The following XPO7 variants were observed in gnomAD, a reference collection of about 807,000 sequenced individuals.
The protein encoded by XPO7 is exportin-7.
In XPO7, 21 loss-of-function variants were observed where a neutral mutation model predicts 144.3. The ratio of observed to expected loss-of-function variants is 0.15; its 90% CI spans 0.10 to 0.21. XPO7 has a LOEUF of 0.21. XPO7 is among the 10% of genes least tolerant of loss of function. The pLI is 1.00. For synonymous variants in XPO7, 580 were observed against 499.6 expected (o/e 1.16, Z -2.15); for missense variants, 808 against 1,325.8 (o/e 0.61, Z 6.06).
intron 5 of XPO7, 63 bp downstream of exon 5, chr8:21,972,004 C>T: frequency 1.3e-6 from 2 of 1,507,622 alleles, no homozygotes; most frequent in South Asian, 1.1e-5. Flanking sequence ...TTGGTGTTTT[C>T]TGCTGTGTGT....
At chr8:21,925,399 A>T (rs1810427469) in intron 1 of XPO7, among the ~76,000 whole-genome samples, 1 of 152,240 alleles carries the variant, frequency 6.6e-6, no homozygotes, top group East Asian at 1.9e-4. Context: ...AATTGATATC[A>T]TTTAATGCTC....
At chr8:21,957,645 A>G (rs1465409838) in intron 1 of XPO7, among the ~76,000 whole-genome samples, 1 of 152,168 alleles carries the variant, frequency 6.6e-6, no homozygotes, top group Non-Finnish European at 1.5e-5. Flanking sequence ...ATATGTGATC[A>G]ATCTGCCATT....
intron 1 of XPO7, among the ~76,000 whole-genome samples, chr8:21,962,210 G>A (rs536305661): frequency 8.5e-5 from 13 of 152,266 alleles, no homozygotes; most frequent in African/African-American, 3.1e-4. Flanking sequence ...ATTGTAGTAA[G>A]TAACTTTTGA....
At chr8:21,976,073 C>T (rs1429252028) in intron 6 of XPO7, among the ~76,000 whole-genome samples, 2 of 152,140 alleles carry the variant, frequency 1.3e-5, no homozygotes, top group Non-Finnish European at 2.9e-5. Flanking sequence ...TCTCTGTGAC[C>T]ATTATGTCTA....
At chr8:21,946,627 T>A (rs1811202233) in intron 1 of XPO7, among the ~76,000 whole-genome samples, 3 of 143,978 alleles carry the variant, frequency 2.1e-5, no homozygotes, top group African/African-American at 2.5e-5. Flanking sequence ...AAGTTCCACA[T>A]ATGCAAAACA....
rs1167946331 is a variant in XPO7 at position 21,995,520 on chromosome 8, C to A, written c.2266C>A (p.Arg756=). 1 of 1,609,716 alleles carries A rather than the reference C, an allele frequency of 6.2e-7. No individual in the cohort carries two copies. Among genetic ancestry groups the A allele is most frequent in the Middle Eastern group, 1.7e-4 (1 of 6,056 alleles). Residue 756 remains arginine (R), a synonymous_variant, in exon 21 of 28, where the codon CGG becomes AGG. Transcript: ENST00000252512. ...TCCATCCTATATGCCAATTCTCCAA[C>A]GGGCAATTGAGCTCTGGTACCATGA... ...IYPSYMPILQ[R]AIELWYHDPA...
chr8:21,987,109 T>A, intron 13 of XPO7, 32 bp from the exon 14 acceptor site: 1 of 1,612,856 alleles, frequency 6.2e-7, no homozygotes, highest in East Asian at 2.2e-5. Flanking sequence ...GATGTCCTGC[T>A]GTTGAGAGAA....
chr8:21,971,923 A>G lies in XPO7; in HGVS notation c.474A>G (p.Leu158=), dbSNP rs1812074809. 6.2e-7 allele frequency: 1 copy of G among 1,613,638 alleles called. No individual in the cohort carries two copies. Among genetic ancestry groups the G allele is most frequent in the East Asian group, 2.2e-5 (1 of 44,866 alleles). Reference sequence around the variant, plus strand: ...TTGGTGTCACAATTTTATCTCAGCTAACCAATGAAATTAATCAAGTAAGTG... The same window carrying G: ...TTGGTGTCACAATTTTATCTCAGCTGACCAATGAAATTAATCAAGTAAGTG... ...CIIGVTILSQ[L]TNEINQADTT... The change falls in exon 5 of 28, where the codon CTA becomes CTG. Residue 158 remains leucine, a synonymous_variant. Coordinates refer to ENST00000252512, the MANE Select transcript of XPO7 (RefSeq NM_015024.5).
intron 21 of XPO7, 63 bp from the exon 22 acceptor site, chr8:21,998,692 C>G (rs1813035314): frequency 7.0e-7 from 1 of 1,435,620 alleles, no homozygotes; most frequent in Admixed American, 1.7e-5. Flanking sequence ...ATGAGAGCCT[C>G]AAGTACCCCA....
chr8:21,965,980 C>CTACTT (rs67432845), intron 1 of XPO7, among the ~76,000 whole-genome samples: 3 of 151,616 alleles, frequency 2.0e-5, no homozygotes, highest in East Asian at 3.9e-4. Flanking sequence ...TGTTTACTCT[C>CTACTT]CAGTCAGTGA....
intron 8 of XPO7, among the ~76,000 whole-genome samples, chr8:21,979,410 GTTTT>G (rs1202192057): frequency 3.9e-5 from 5 of 128,978 alleles, no homozygotes; most frequent in Admixed American, 3.3e-4. Context: ...TTTTTTTTTC[GTTTT>G]TTTTTGTTTT....
chr8:21,942,609 A>G (rs1313689757), intron 1 of XPO7, among the ~76,000 whole-genome samples: 3 of 152,226 alleles, frequency 2.0e-5, no homozygotes, highest in African/African-American at 7.2e-5. Context: ...TTGAAAGGGG[A>G]GGAGTATTTC....
In XPO7 at chr8:21,929,643, A is replaced by C. The variant is rs544833942; in HGVS notation, c.18+9855A>C. 1.4e-3 allele frequency among the ~76,000 whole-genome samples: 209 copies of C among 152,350 alleles called. 4 individuals carry two copies. The highest frequency in any genetic ancestry group is 2.7e-3 in the South Asian group (13 of 4,832). On this transcript the variant is annotated intron_variant, in intron 1 of 27. Transcript: ENST00000252512. ...TTCACTAGCAATCGTAGTTCTCTTCAGCTTCTAATTTTAAAGTATTATTTA... is the reference window on the plus strand; with the variant it reads ...TTCACTAGCAATCGTAGTTCTCTTCCGCTTCTAATTTTAAAGTATTATTTA...
chr8:21,956,607 C>G (rs528163327), intron 1 of XPO7, among the ~76,000 whole-genome samples: 2 of 151,552 alleles, frequency 1.3e-5, no homozygotes, highest in Admixed American at 6.6e-5. Flanking sequence ...TGCTCTTTCC[C>G]TCTTGGTCCT....
chr8:21,968,504 C>T (rs542879504), intron 2 of XPO7, among the ~76,000 whole-genome samples: 4 of 152,298 alleles, frequency 2.6e-5, no homozygotes, highest in African/African-American at 9.6e-5. Context: ...TCTTAAATCA[C>T]TTGGTGTTTG....
intron 14 of XPO7, 25 bp downstream of exon 14, chr8:21,987,301 C>A (rs775781163): frequency 1.2e-6 from 2 of 1,613,474 alleles, no homozygotes; most frequent in South Asian, 2.2e-5. Context: ...ATTGGCTCCC[C>A]TTAGTTCTCA....
intron 1 of XPO7, among the ~76,000 whole-genome samples, chr8:21,958,501 A>G (rs1352824904): frequency 1.3e-5 from 2 of 152,092 alleles, no homozygotes; most frequent in Non-Finnish European, 1.5e-5. Flanking sequence ...AAGTTACATC[A>G]CAGCCGTCTT....
intron 1 of XPO7, among the ~76,000 whole-genome samples, chr8:21,941,754 C>T (rs1585425538): frequency 6.6e-6 from 1 of 152,162 alleles, no homozygotes; most frequent in East Asian, 1.9e-4. Flanking sequence ...TTGTTTTTCA[C>T]AGACTCTATT....
chr8:21,923,034 T>G (rs530513009), intron 1 of XPO7, among the ~76,000 whole-genome samples: 6 of 152,358 alleles, frequency 3.9e-5, no homozygotes, highest in African/African-American at 9.6e-5. Context: ...AAGTGATGGT[T>G]GTTTTTTCAG....
Sources: gnomAD v4.1 joint callset for allele counts (sites outside exome capture counted in the v4.1 genomes callset) on GRCh38, gnomAD v4.1.1 for gene constraint, MANE v1.5 for transcripts, NCBI Gene and HGNC (gene_info 2026-07-23, HGNC 2026-07-21) for gene names.